ITFG1: variants seen among roughly 807,000 people sequenced by gnomAD.
ITFG1 encodes T-cell immunomodulatory protein.
Under a neutral mutation model 81.8 loss-of-function variants are expected in ITFG1, and 34 were observed. The observed-to-expected ratio is 0.42, with a 90% confidence interval of 0.32 to 0.55. ITFG1 has a LOEUF of 0.55. Ranked by LOEUF, ITFG1 falls within the 20% of genes least tolerant of loss-of-function variation. The pLI is 0.17. For synonymous variants in ITFG1, 285 were observed against 270.6 expected, an observed-to-expected ratio of 1.05 and a Z score of -0.52; for missense variants, 672 against 755.4, an observed-to-expected ratio of 0.89 and a Z score of 1.29.
intron 15 of ITFG1, 124 bp downstream of exon 15, chr16:47,162,416 G>A: frequency 2.4e-6 from 2 of 836,462 alleles, no homozygotes; most frequent in African/African-American, 1.8e-5. Flanking sequence ...ATTCTTTAAA[G>A]GGAATAAAAA....
chr16:47,392,474 T>C (rs145257007), intron 6 of ITFG1, among the ~76,000 whole-genome samples: 1 of 152,056 alleles, frequency 6.6e-6, no homozygotes, highest in African/African-American at 2.4e-5. Flanking sequence ...AGGTCTGAAA[T>C]GTGAGGCATC....
rs1964671441 is a variant in ITFG1 at position 47,154,403 on chromosome 16, ATATT to A, written c.*1312_*1315del. The A allele has an allele frequency of 6.6e-6, 1 of 152,244 alleles. No homozygotes were observed. Among genetic ancestry groups the A allele is most frequent in the Non-Finnish European group, 1.5e-5 (1 of 68,048 alleles). The allele number at this position is 152,244 out of a possible 1,614,324, so 9.4% of individuals were successfully genotyped here. On this transcript the variant is annotated 3_prime_UTR_variant, in exon 18 of 18. Transcript: ENST00000320640. ...CTGAAATACTTTGTTTCAATAAGGAATATTTATTAAGAAGACATGTTAACATGCT... is the reference window on the plus strand; with the variant it reads ...CTGAAATACTTTGTTTCAATAAGGAATATTAAGAAGACATGTTAACATGCT...
intron 7 of ITFG1, among the ~76,000 whole-genome samples, chr16:47,372,500 C>T (rs781610789): frequency 6.6e-6 from 1 of 151,162 alleles, no homozygotes; most frequent in Non-Finnish European, 1.5e-5. Context: ...GCTCTGTTTC[C>T]CAGGCTGGAA....
chr16:47,219,373 T>C (rs1294692531), intron 13 of ITFG1, among the ~76,000 whole-genome samples: 1 of 152,164 alleles, frequency 6.6e-6, no homozygotes, highest in East Asian at 1.9e-4. Flanking sequence ...TGATGATTAG[T>C]TCCACCACAT....
intron 14 of ITFG1, among the ~76,000 whole-genome samples, chr16:47,181,361 A>C (rs1596789345): frequency 7.2e-6 from 1 of 139,506 alleles, no homozygotes; most frequent in South Asian, 2.3e-4. Context: ...TGGGGGGGTC[A>C]GCCCCCCGCC....
chr16:47,436,714 AT>A (rs1969171493), intron 5 of ITFG1, among the ~76,000 whole-genome samples: 1 of 152,284 alleles, frequency 6.6e-6, no homozygotes, highest in East Asian at 1.9e-4. Context: ...ATATAAAAAA[AT>A]CACAGTTACT....
At chr16:47,246,501 G>A (rs1227655943) in intron 12 of ITFG1, among the ~76,000 whole-genome samples, 1 of 152,104 alleles carries the variant, frequency 6.6e-6, no homozygotes, top group Non-Finnish European at 1.5e-5. Context: ...TCATAATATT[G>A]TTTAATTAGG....
chr16:47,423,251 ATTT>A (rs748793229), intron 6 of ITFG1, among the ~76,000 whole-genome samples: 17 of 118,280 alleles, frequency 1.4e-4, no homozygotes, highest in Admixed American at 3.4e-4. Flanking sequence ...GCAATCCCTG[ATTT>A]TTTTTTTTTT....
At chr16:47,301,371 G>A (rs1435704588) in intron 10 of ITFG1, among the ~76,000 whole-genome samples, 1 of 151,730 alleles carries the variant, frequency 6.6e-6, no homozygotes, top group Non-Finnish European at 1.5e-5. Flanking sequence ...AAAACTGGCA[G>A]TATTTCCAAT....
chr16:47,262,122 T>C (rs1313145904), intron 10 of ITFG1, among the ~76,000 whole-genome samples: 1 of 152,212 alleles, frequency 6.6e-6, no homozygotes, highest in Non-Finnish European at 1.5e-5. Flanking sequence ...AATATTCAAT[T>C]TGCATGATGT....
At chr16:47,231,168 T>C (rs1965813304) in intron 13 of ITFG1, among the ~76,000 whole-genome samples, 1 of 152,232 alleles carries the variant, frequency 6.6e-6, no homozygotes, top group African/African-American at 2.4e-5. Flanking sequence ...CAGAGTCTTT[T>C]TGTATATGGG....
At chr16:47,299,408 T>C (rs900387275) in intron 10 of ITFG1, 2 of 151,608 alleles carry the variant, frequency 1.3e-5, no homozygotes, top group Non-Finnish European at 1.5e-5. Flanking sequence ...GTCTCAGTCC[T>C]GTACTTTGCT....
intron 8 of ITFG1, among the ~76,000 whole-genome samples, chr16:47,323,924 A>T (rs926031607): frequency 2.0e-5 from 3 of 152,220 alleles, no homozygotes; most frequent in African/African-American, 4.8e-5. Flanking sequence ...TAAAATTCTT[A>T]TGATTAAACC....
intron 5 of ITFG1, chr16:47,448,403 G>C (rs898728820): frequency 2.0e-5 from 3 of 151,960 alleles, no homozygotes; most frequent in African/African-American, 7.3e-5. Context: ...GATAATGGAG[G>C]GGCAAAATCT....
intron 12 of ITFG1, among the ~76,000 whole-genome samples, chr16:47,254,105 G>C (rs1289589228): frequency 6.6e-6 from 1 of 151,950 alleles, no homozygotes; most frequent in Non-Finnish European, 1.5e-5. Context: ...GTTGCATTAT[G>C]AGGAGGTGAG....
intron 6 of ITFG1, among the ~76,000 whole-genome samples, chr16:47,406,748 A>C (rs1968734321): frequency 6.6e-6 from 1 of 152,212 alleles, no homozygotes; most frequent in East Asian, 1.9e-4. Context: ...AAGAAGGGTA[A>C]GGGCAAAGGA....
intron 13 of ITFG1, among the ~76,000 whole-genome samples, chr16:47,233,520 T>C (rs1965839900): frequency 6.6e-6 from 1 of 152,172 alleles, no homozygotes; most frequent in South Asian, 2.1e-4. Flanking sequence ...AAAAATACCT[T>C]TATGTTTCCA....
At chr16:47,236,618 A>G (rs1406608491) in intron 13 of ITFG1, among the ~76,000 whole-genome samples, 1 of 152,096 alleles carries the variant, frequency 6.6e-6, no homozygotes, top group African/African-American at 2.4e-5. Flanking sequence ...TGTAATAATC[A>G]AAGAGCCACA....
chr16:47,264,802 AG>A (rs951361607), intron 10 of ITFG1, among the ~76,000 whole-genome samples: 42 of 152,300 alleles, frequency 2.8e-4, no homozygotes, highest in African/African-American at 8.9e-4. Context: ...TGACAGTTGA[AG>A]AGCTTAAAAA....
Sources: gnomAD v4.1 joint callset for allele counts (sites outside exome capture counted in the v4.1 genomes callset) on GRCh38, gnomAD v4.1.1 for gene constraint, MANE v1.5 for transcripts, NCBI Gene and HGNC (gene_info 2026-07-23, HGNC 2026-07-21) for gene names.